PCDHA8: variants seen among roughly 807,000 people sequenced by gnomAD.
PCDHA8 encodes the protein protocadherin alpha-8.
In PCDHA8, 53 loss-of-function variants were observed where a neutral mutation model predicts 61.8. The ratio of observed to expected loss-of-function variants is 0.86; its 90% CI spans 0.69 to 1.08. The LOEUF (loss-of-function observed/expected upper bound fraction) is 1.08. Ranked by LOEUF, PCDHA8 falls within the 50% of genes least tolerant of loss-of-function variation. The pLI is 0.00. For missense variants in PCDHA8, 1,293 were observed against 1,245.0 expected (o/e 1.04, Z -0.58); for synonymous variants, 618 against 556.6 (o/e 1.11, Z -1.55).
At chr5:140,918,823 C>T (rs2078875594) in intron 1 of PCDHA8, among the ~76,000 whole-genome samples, 2 of 11,382 alleles carry the variant, frequency 1.8e-4, no homozygotes, top group African/African-American at 5.2e-3. Context: ...AAAAAGTGGC[C>T]CCCTCCCCAG....
At chr5:140,920,249 G>A (rs782292641) in intron 1 of PCDHA8, among the ~76,000 whole-genome samples, 15 of 152,174 alleles carry the variant, frequency 9.9e-5, no homozygotes, top group Admixed American at 3.3e-4. Context: ...ACAATACATC[G>A]CTATAATAAT....
chr5:140,980,749 G>A (rs1388943582), intron 2 of PCDHA8, among the ~76,000 whole-genome samples: 1 of 151,942 alleles, frequency 6.6e-6, no homozygotes, highest in Non-Finnish European at 1.5e-5. Flanking sequence ...TTTGAGTAGG[G>A]TAAGAAATAA....
intron 1 of PCDHA8, among the ~76,000 whole-genome samples, chr5:140,951,377 G>T (rs2094577141): frequency 6.6e-6 from 1 of 152,070 alleles, no homozygotes; most frequent in Non-Finnish European, 1.5e-5. Context: ...AAACACCCAA[G>T]ACTCGGTAAT....
chr5:140,955,976 G>A (rs2095244273), intron 1 of PCDHA8, among the ~76,000 whole-genome samples: 1 of 152,180 alleles, frequency 6.6e-6, no homozygotes, highest in South Asian at 2.1e-4. Flanking sequence ...AGGAATGCTA[G>A]CAATTTTTGC....
chr5:140,926,665 G>C, intron 1 of PCDHA8: 1 of 538,906 alleles, frequency 1.9e-6, no homozygotes, highest in Non-Finnish European at 2.9e-6. Context: ...TTTCCCAGAC[G>C]GCTGCCCAGC....
At chr5:140,968,810 G>C in intron 1 of PCDHA8, 1 of 1,614,186 alleles carries the variant, frequency 6.2e-7, no homozygotes, top group Non-Finnish European at 8.5e-7. Flanking sequence ...AGCTGTGGTG[G>C]ATAGGGTTTC....
intron 1 of PCDHA8, among the ~76,000 whole-genome samples, chr5:140,959,366 C>A (rs1257331462): frequency 1.3e-5 from 2 of 151,552 alleles, no homozygotes; most frequent in African/African-American, 4.8e-5. Flanking sequence ...TGAGTGAGAC[C>A]CTGTCTCAAA....
At chr5:140,910,874 A>T (rs1285814930) in intron 1 of PCDHA8, among the ~76,000 whole-genome samples, 2 of 151,996 alleles carry the variant, frequency 1.3e-5, no homozygotes, top group African/African-American at 4.8e-5. Flanking sequence ...ATTATCCCAC[A>T]CCCTTAATAT....
chr5:140,941,820 C>T (rs2093176252), intron 1 of PCDHA8, among the ~76,000 whole-genome samples: 1 of 152,160 alleles, frequency 6.6e-6, no homozygotes, highest in Non-Finnish European at 1.5e-5. Flanking sequence ...AGGATGACTG[C>T]TGTAAATAAT....
intron 1 of PCDHA8, chr5:140,861,770 C>T (rs2047074115): frequency 6.2e-6 from 1 of 161,486 alleles, no homozygotes; most frequent in African/African-American, 2.4e-5. Flanking sequence ...CCTGGAAATA[C>T]CAAGAGCAGG....
intron 3 of PCDHA8, among the ~76,000 whole-genome samples, chr5:141,000,931 T>G (rs1422337935): frequency 1.3e-5 from 2 of 152,188 alleles, no homozygotes; most frequent in African/African-American, 4.8e-5. Flanking sequence ...CCTGTGTGAT[T>G]TAGGACAAAT....
chr5:140,878,468 A>G (rs2057603759), intron 1 of PCDHA8, among the ~76,000 whole-genome samples: 1 of 152,188 alleles, frequency 6.6e-6, no homozygotes, highest in Non-Finnish European at 1.5e-5. Flanking sequence ...TAATAAAATC[A>G]TTTCTCAATT....
rs1562406385 is a variant in PCDHA8, at chr5:140,843,005, G to A, written c.1684G>A (p.Ala562Thr). The A allele has an allele frequency of 3.1e-6, 5 of 1,594,914 alleles. No homozygotes were observed. The highest frequency in any genetic ancestry group is 3.4e-6 in the Non-Finnish European group (4 of 1,165,482). ...QVFVLDENDN[A>T]PALLEPRVGG... Reference sequence around the variant, plus strand: ...GTTCGTGCTGGACGAGAATGACAACGCGCCGGCACTGCTGGAGCCTCGGGT... The same window carrying A: ...GTTCGTGCTGGACGAGAATGACAACACGCCGGCACTGCTGGAGCCTCGGGT... Residue 562 changes from alanine to threonine, a missense_variant, in exon 1 of 4, where the codon GCG becomes ACG. Coordinates refer to ENST00000531613, the MANE Select transcript of PCDHA8 (RefSeq NM_018911.3).
chr5:140,867,552 TATG>T (rs1353762493), intron 1 of PCDHA8: 1 of 152,120 alleles, frequency 6.6e-6, no homozygotes, highest in Non-Finnish European at 1.5e-5. Flanking sequence ...AGCATACACA[TATG>T]ATAACTTTTT....
chr5:140,984,138 G>A (rs1476039645), intron 3 of PCDHA8, among the ~76,000 whole-genome samples: 1 of 152,194 alleles, frequency 6.6e-6, no homozygotes, highest in East Asian at 1.9e-4. Flanking sequence ...GGATGTGGAG[G>A]CATCTGGGAA....
intron 1 of PCDHA8, among the ~76,000 whole-genome samples, chr5:140,970,399 G>A (rs2096402631): frequency 6.6e-6 from 1 of 152,172 alleles, no homozygotes; most frequent in Non-Finnish European, 1.5e-5. Flanking sequence ...AAAGTGGATG[G>A]CTTACCCTAC....
intron 1 of PCDHA8, among the ~76,000 whole-genome samples, chr5:140,962,929 A>T (rs1386992197): frequency 1.3e-5 from 2 of 152,070 alleles, no homozygotes; most frequent in Non-Finnish European, 2.9e-5. Context: ...ATACTTCTCA[A>T]CCTCCTCTCC....
At chr5:140,943,729 A>C (rs1215938127) in intron 1 of PCDHA8, among the ~76,000 whole-genome samples, 2 of 152,256 alleles carry the variant, frequency 1.3e-5, no homozygotes, top group Non-Finnish European at 2.9e-5. Context: ...TGAGAGAATG[A>C]AAGTCCACAG....
rs1181136155 is a variant in PCDHA8, at chr5:140,966,778, G to C, written c.2395-12171G>C. Reference sequence around the variant, plus strand: ...CGCGGCCAGTGGCTATGGAGCAGGCGGGCACCAGACCTGCGGCGACAGAGC... The same window carrying C: ...CGCGGCCAGTGGCTATGGAGCAGGCCGGCACCAGACCTGCGGCGACAGAGC... On this transcript the variant is annotated intron_variant, in intron 1 of 3. Transcript: ENST00000531613. The C allele has an allele frequency of 4.0e-6, 6 of 1,512,380 alleles. No homozygotes were observed. The African/African-American group carries it at 8.3e-5, about 21-fold the overall frequency. The allele number at this position is 1,512,380 out of a possible 1,614,324, so 93.7% of individuals were successfully genotyped here. A position where few individuals can be genotyped will look rare whatever the true frequency, so the allele number is the denominator to read the frequency against.
Sources: allele counts gnomAD v4.1 joint callset (sites outside exome capture counted in the v4.1 genomes callset), GRCh38; gene constraint gnomAD v4.1.1; transcripts MANE v1.5; gene names NCBI Gene and HGNC (gene_info 2026-07-23, HGNC 2026-07-21).